ROCK1: variants seen among roughly 807,000 people sequenced by gnomAD.
ROCK1 encodes the protein Rho associated coiled-coil containing protein kinase 1.
In ROCK1, 36 loss-of-function variants were observed where a neutral mutation model predicts 196.8. The ratio of observed to expected loss-of-function variants is 0.18; its 90% CI spans 0.14 to 0.24. The LOEUF is 0.24. Ranked by LOEUF, ROCK1 falls within the 10% of genes least tolerant of loss-of-function variation. ROCK1 has a pLI of 1.00. For synonymous variants in ROCK1, 443 were observed against 515.9 expected (o/e 0.86, Z 1.91); for missense variants, 920 against 1,562.0 (o/e 0.59, Z 6.93).
chr18:20,980,654 C>T (rs1244457446), intron 21 of ROCK1, among the ~76,000 whole-genome samples: 3 of 152,158 alleles, frequency 2.0e-5, no homozygotes, highest in East Asian at 1.9e-4. Context: ...CGGTGGCTCA[C>T]GCCTGTAATC....
rs1250580338 is a variant in ROCK1, at chr18:20,949,637, T to C, written c.*1747A>G. The C allele has an allele frequency of 6.6e-6, 1 of 152,280 alleles. No homozygotes were observed. Among genetic ancestry groups the C allele is most frequent in the Non-Finnish European group, 1.5e-5 (1 of 68,054 alleles). 9.4% of individuals were successfully genotyped at this position (152,280 alleles called of 1,614,324 possible). ...GTTGTCAGAGCCTCTGCTTCCCTGA[T>C]GTGTAGAAATGCAAGAGACCCATGG... On this transcript the variant is annotated 3_prime_UTR_variant, in exon 33 of 33. Transcript: ENST00000399799.
At chr18:21,020,316 T>C in intron 11 of ROCK1, 77 bp from the exon 12 acceptor site, 2 of 686,640 alleles carry the variant, frequency 2.9e-6, no homozygotes, top group Non-Finnish European at 4.5e-6. Flanking sequence ...TCTATGTTAA[T>C]ATTTTAAACC....
chr18:20,986,842 T>G (rs2035582330), intron 19 of ROCK1, 108 bp downstream of exon 19: 2 of 993,726 alleles, frequency 2.0e-6, no homozygotes, highest in East Asian at 5.0e-5. Flanking sequence ...TGTCAATTAT[T>G]TCATTCAAAT....
Position 21,100,164 on chromosome 18 carries a change from A to AT in ROCK1, c.93+10653_93+10654insA, listed in dbSNP as rs1176767868. Among the ~76,000 whole-genome samples the AT allele has an allele frequency of 8.2e-3, 1,236 of 151,522 alleles. 16 individuals carry two copies. The highest frequency in any genetic ancestry group is 0.028 in the African/African-American group (1,154 of 41,086). On this transcript the variant is annotated intron_variant, in intron 1 of 32. Transcript: ENST00000399799. ...CTGGAAAAAAAGAAAAAAAAAAAAA[A>AT]CCTAAAATGAAAGAGCCTAACTGAC...
intron 1 of ROCK1, among the ~76,000 whole-genome samples, chr18:21,087,789 T>C (rs956585851): frequency 2.0e-5 from 3 of 152,172 alleles, no homozygotes; most frequent in African/African-American, 7.2e-5. Context: ...CATCAAGAAC[T>C]CAACACAATT....
intron 16 of ROCK1, among the ~76,000 whole-genome samples, chr18:20,995,552 G>A (rs952341319): frequency 6.6e-6 from 1 of 152,114 alleles, no homozygotes; most frequent in African/African-American, 2.4e-5. Context: ...GGCCAGAGAG[G>A]AGCCCACTGC....
chr18:21,055,742 T>TC (rs1449511296), intron 2 of ROCK1, among the ~76,000 whole-genome samples: 1 of 152,218 alleles, frequency 6.6e-6, no homozygotes, highest in African/African-American at 2.4e-5. Flanking sequence ...CTCATTTCTC[T>TC]CAGCAGCTAC....
chr18:21,047,567 G>A (rs2036170856), intron 4 of ROCK1, among the ~76,000 whole-genome samples: 1 of 152,152 alleles, frequency 6.6e-6, no homozygotes, highest in East Asian at 1.9e-4. Flanking sequence ...GCCGAGGCAG[G>A]CGGATCACGA....
At chr18:21,050,358 A>G (rs567174388) in intron 2 of ROCK1, among the ~76,000 whole-genome samples, 1 of 150,810 alleles carries the variant, frequency 6.6e-6, no homozygotes, top group East Asian at 1.9e-4. Context: ...AAAAAAAAAA[A>G]CAGTAAATTT....
intron 2 of ROCK1, among the ~76,000 whole-genome samples, chr18:21,055,045 C>T (rs1485457532): frequency 6.6e-6 from 1 of 152,094 alleles, no homozygotes; most frequent in African/African-American, 2.4e-5. Flanking sequence ...ACCTAGCCAG[C>T]TTAAATTACA....
At position 20,969,149 on chromosome 18, in the gene ROCK1, T is replaced by C. The variant is rs1295955726; in HGVS notation, c.2880A>G (p.Glu960=). Residue 960 remains glutamate (E), a synonymous_variant, in exon 24 of 33, where the codon GAA becomes GAG. Coordinates refer to ENST00000399799, the MANE Select transcript of ROCK1 (RefSeq NM_005406.3). ...KDIEILRREN[E]ELTEKMKKAE... The stretch of plus-strand genomic sequence containing the variant: ...CCTTCTTCATTTTCTCTGTTAGCTC[T>C]TCATTCTCTCTTCTTAATATTTCAA... 1 of 1,603,590 alleles carries C rather than the reference T, an allele frequency of 6.2e-7. No individual in the cohort carries two copies. Among genetic ancestry groups the C allele is most frequent in the East Asian group, 2.2e-5 (1 of 44,774 alleles).
intron 4 of ROCK1, among the ~76,000 whole-genome samples, chr18:21,048,391 T>C (rs2036178451): frequency 1.3e-5 from 2 of 152,098 alleles, no homozygotes; most frequent in South Asian, 2.1e-4. Context: ...CTAAACAAAA[T>C]GAGAGCCTCA....
intron 1 of ROCK1, among the ~76,000 whole-genome samples, chr18:21,087,928 C>T (rs2036540532): frequency 6.6e-6 from 1 of 152,160 alleles, no homozygotes; most frequent in African/African-American, 2.4e-5. Context: ...ATTCAAACCT[C>T]AGCAAATTAA....
At chr18:21,078,395 G>GAGAA (rs2036454135) in intron 1 of ROCK1, among the ~76,000 whole-genome samples, 2 of 151,434 alleles carry the variant, frequency 1.3e-5, no homozygotes, top group African/African-American at 4.8e-5. Flanking sequence ...GAGAGAGAGA[G>GAGAA]AGAGAACCTA....
intron 16 of ROCK1, among the ~76,000 whole-genome samples, chr18:20,993,384 G>C (rs2035643512): frequency 6.6e-6 from 1 of 152,122 alleles, no homozygotes; most frequent in Non-Finnish European, 1.5e-5. Flanking sequence ...TGTATATTTA[G>C]TAGAGACGGG....
chr18:20,958,867 T>C (rs1364131664), intron 29 of ROCK1, among the ~76,000 whole-genome samples: 15 of 118,372 alleles, frequency 1.3e-4, no homozygotes, highest in African/African-American at 5.1e-4. Context: ...ATAAAATATA[T>C]ATATTATATA....
rs1261388376 is a variant in ROCK1, at chr18:20,991,233, C to T, written c.2086G>A (p.Ala696Thr). ...GATTGATGTTTGTCAGTTAAACGAG[C>T]TTTGGTTACTTTGTGTTCATTTACC... ...QEVNEHKVTKARLTDKHQSIE... is the reference protein window; with the variant it reads ...QEVNEHKVTKTRLTDKHQSIE... Residue 696 changes from alanine to threonine, a missense_variant, in exon 18 of 33, where the codon GCT becomes ACT. Physicochemically the swap from Ala to Thr is moderately conservative, Grantham distance 58. Transcript: ENST00000399799. 1.2e-6 allele frequency: 2 copies of T among 1,613,168 alleles called. No individual in the cohort carries two copies. Among genetic ancestry groups the T allele is most frequent in the South Asian group, 2.2e-5 (2 of 90,912 alleles).
At chr18:21,018,390 C>A (rs904896916) in intron 12 of ROCK1, among the ~76,000 whole-genome samples, 7 of 151,886 alleles carry the variant, frequency 4.6e-5, no homozygotes, top group African/African-American at 1.7e-4. Flanking sequence ...ACTAGCCAGG[C>A]GTGGTGGCAG....
At chr18:21,051,025 T>C (rs1001054432) in intron 2 of ROCK1, among the ~76,000 whole-genome samples, 1 of 152,192 alleles carries the variant, frequency 6.6e-6, no homozygotes, top group Non-Finnish European at 1.5e-5. Context: ...AAACAGTTTT[T>C]TGAGTACTAA....
Sources: allele counts gnomAD v4.1 joint callset (sites outside exome capture counted in the v4.1 genomes callset), GRCh38; gene constraint gnomAD v4.1.1; transcripts MANE v1.5; gene names NCBI Gene and HGNC (gene_info 2026-07-23, HGNC 2026-07-21).